COG5: variants seen among roughly 807,000 people sequenced by gnomAD.
The protein encoded by COG5 is conserved oligomeric Golgi complex subunit 5.
Under a neutral mutation model 110.4 loss-of-function variants are expected in COG5, and 86 were observed. The ratio of observed to expected loss-of-function variants is 0.78; its 90% CI spans 0.65 to 0.93. The LOEUF (loss-of-function observed/expected upper bound fraction) is 0.93. Among genes scored for constraint, COG5 ranks in the 40% least tolerant of loss-of-function variants. The pLI is 0.00. For missense variants in COG5, 1,077 were observed against 987.0 expected (o/e 1.09, Z -1.22); for synonymous variants, 360 against 334.6 (o/e 1.08, Z -0.83).
chr7:107,525,706 T>C (rs1389080899), intron 6 of COG5, among the ~76,000 whole-genome samples: 1 of 152,152 alleles, frequency 6.6e-6, no homozygotes, highest in African/African-American at 2.4e-5. Flanking sequence ...GCACATGCTA[T>C]GATGCTCAAC....
At chr7:107,383,611 A>C (rs746728368) in intron 7 of COG5, among the ~76,000 whole-genome samples, 7 of 152,078 alleles carry the variant, frequency 4.6e-5, no homozygotes, top group Non-Finnish European at 8.8e-5. Flanking sequence ...GGGTGCAAGG[A>C]CAGAAGAGGG....
chr7:107,543,432 G>A (rs10264412), intron 5 of COG5, among the ~76,000 whole-genome samples: 30,426 of 151,988 alleles, frequency 0.2, 3,381 homozygotes, highest in East Asian at 0.33. Context: ...GCCCCCGCCC[G>A]ACTCCAGGCC....
chr7:107,330,823 C>CTTT (rs376987809), intron 10 of COG5, among the ~76,000 whole-genome samples: 2 of 135,622 alleles, frequency 1.5e-5, no homozygotes, highest in African/African-American at 2.7e-5. Flanking sequence ...AGCTAGATCC[C>CTTT]TTTTTTTTTT....
At chr7:107,327,013 A>G (rs538457150) in intron 10 of COG5, among the ~76,000 whole-genome samples, 2 of 152,120 alleles carry the variant, frequency 1.3e-5, no homozygotes, top group Non-Finnish European at 2.9e-5. Context: ...CTATCTCTAA[A>G]AACCCAAATA....
At chr7:107,232,944 T>C (rs575875982) in intron 18 of COG5, among the ~76,000 whole-genome samples, 1 of 152,288 alleles carries the variant, frequency 6.6e-6, no homozygotes, top group South Asian at 2.1e-4. Flanking sequence ...CAGGACTTCT[T>C]TGGATACTCC....
At chr7:107,408,786 T>C (rs556332065) in intron 7 of COG5, among the ~76,000 whole-genome samples, 18 of 152,272 alleles carry the variant, frequency 1.2e-4, no homozygotes, top group African/African-American at 4.1e-4. Context: ...TCTGAAGCTA[T>C]CAAATGCAAT....
At chr7:107,222,221 A>G (rs1472789375) in intron 19 of COG5, among the ~76,000 whole-genome samples, 1 of 149,748 alleles carries the variant, frequency 6.7e-6, no homozygotes, top group Non-Finnish European at 1.5e-5. Flanking sequence ...TTTTTTTGAG[A>G]TGGAGTCTCG....
intron 1 of COG5, among the ~76,000 whole-genome samples, chr7:107,559,029 C>T (rs569700337): frequency 1.7e-4 from 25 of 149,070 alleles, no homozygotes; most frequent in African/African-American, 6.0e-4. Flanking sequence ...TATATATACA[C>T]ATATGTAATA....
intron 9 of COG5, 32 bp downstream of exon 9, chr7:107,362,276 T>C (rs771868026): frequency 5.2e-6 from 8 of 1,531,892 alleles, no homozygotes. Context: ...TTAATCCATA[T>C]TAATGTTTTT....
intron 7 of COG5, among the ~76,000 whole-genome samples, chr7:107,385,718 G>A (rs1790135751): frequency 6.6e-6 from 1 of 152,042 alleles, no homozygotes; most frequent in South Asian, 2.1e-4. Flanking sequence ...AGAGGGCAAT[G>A]GGGAGTTATT....
chr7:107,528,473 C>A (rs911835335), intron 5 of COG5, among the ~76,000 whole-genome samples: 1 of 152,166 alleles, frequency 6.6e-6, no homozygotes, highest in African/African-American at 2.4e-5. Context: ...TTTCCCAGAT[C>A]TAATACTAGG....
rs149914961 is a variant in COG5, at chr7:107,463,469, A to G, written c.539-50837T>C. ...AAAGGGGACAGGGGAACACCTCTTT[A>G]CATGCAGCAGCCCATGAATAGGAGA... On this transcript the variant is annotated intron_variant, in intron 6 of 21. Transcript: ENST00000297135. 8.5e-5 allele frequency among the ~76,000 whole-genome samples: 13 copies of G among 152,350 alleles called. No individual in the cohort carries two copies. The East Asian group carries it at 1.9e-3, about 23-fold the overall frequency.
chr7:107,533,736 C>T (rs1009243811), intron 5 of COG5, among the ~76,000 whole-genome samples: 13 of 151,574 alleles, frequency 8.6e-5, no homozygotes, highest in Non-Finnish European at 1.3e-4. Context: ...AGTTGGAAAA[C>T]ACACTTCAAG....
chr7:107,381,371 T>A (rs957354177), intron 7 of COG5, among the ~76,000 whole-genome samples: 1 of 152,208 alleles, frequency 6.6e-6, no homozygotes, highest in Admixed American at 6.5e-5. Context: ...TGATGTTCAG[T>A]CTTCTTTAGG....
chr7:107,270,252 C>A (rs1477631694), intron 14 of COG5, among the ~76,000 whole-genome samples: 1 of 145,084 alleles, frequency 6.9e-6, no homozygotes, highest in African/African-American at 2.6e-5. Context: ...ATAGTACTCA[C>A]ACGTGCTTTT....
rs191896862 is a variant in COG5 at position 107,345,315 on chromosome 7, T to G, written c.1026+16718A>C. Among the ~76,000 whole-genome samples the G allele has an allele frequency of 5.5e-3, 830 of 152,198 alleles. 9 individuals are homozygous for G. Among genetic ancestry groups the G allele is most frequent in the African/African-American group, 0.019 (808 of 41,538 alleles). ...TGCGACAATATTACCAAAAGTGACATGGAGACACAAATGAGCATATGTTGG... is the reference window on the plus strand; with the variant it reads ...TGCGACAATATTACCAAAAGTGACAGGGAGACACAAATGAGCATATGTTGG... On this transcript the variant is annotated intron_variant, in intron 10 of 21. Coordinates refer to ENST00000297135, the MANE Select transcript of COG5 (RefSeq NM_006348.5).
Position 107,563,847 on chromosome 7 carries a change from C to A in COG5, c.50G>T (p.Gly17Val), listed in dbSNP as rs139763861. ...GACTGTAGCTGCAGCCGCTCCAGAGCCTCGAGCTCCGAGGCCAGCTACAGC... is the reference window on the plus strand; with the variant it reads ...GACTGTAGCTGCAGCCGCTCCAGAGACTCGAGCTCCGAGGCCAGCTACAGC... ...SVAVAGLGAR[G>V]SGAAAATVRE... The change falls in exon 1 of 22, where the codon GGC (glycine) becomes GTC (valine). Residue 17 changes from glycine to valine, a missense_variant. Coordinates refer to ENST00000297135, the MANE Select transcript of COG5 (RefSeq NM_006348.5). 491 of 1,613,786 alleles carry A rather than the reference C, an allele frequency of 3.0e-4. 2 individuals are homozygous for A. In the African/African-American group the frequency reaches 5.6e-3, roughly 19 times the overall value.
chr7:107,327,351 AC>A, intron 10 of COG5, among the ~76,000 whole-genome samples: 1 of 152,184 alleles, frequency 6.6e-6, no homozygotes, highest in Non-Finnish European at 1.5e-5. Context: ...TAGAAAAAAA[AC>A]ATAGGAGAAA....
rs778467973 is a variant in COG5 at position 107,230,580 on chromosome 7, G to A, written c.2168+35C>T. On this transcript the variant is annotated intron_variant, in intron 19 of 21. Coordinates refer to ENST00000297135, the MANE Select transcript of COG5 (RefSeq NM_006348.5). The stretch of plus-strand genomic sequence containing the variant: ...CACAGAAAGGATTTATTTGCCTGGA[G>A]GATATGAATGTATGAACAAAGAATT... 5.5e-6 allele frequency: 8 copies of A among 1,456,586 alleles called. No homozygotes were observed. In the African/African-American group the frequency reaches 1.1e-4, roughly 20 times the overall value. 90.2% of individuals were successfully genotyped at this position (1,456,586 alleles called of 1,614,324 possible). A position where few individuals can be genotyped will look rare whatever the true frequency, so the allele number is the denominator to read the frequency against.
Sources: gnomAD v4.1 joint callset for allele counts (sites outside exome capture counted in the v4.1 genomes callset) on GRCh38, gnomAD v4.1.1 for gene constraint, MANE v1.5 for transcripts, NCBI Gene and HGNC (gene_info 2026-07-23, HGNC 2026-07-21) for gene names.